CACNA1H: variants seen among roughly 807,000 people sequenced by gnomAD.
CACNA1H encodes voltage-dependent T-type calcium channel subunit alpha-1H.
In CACNA1H, 149 loss-of-function variants were observed where a neutral mutation model predicts 192.5. The observed-to-expected ratio is 0.77, with a 90% CI of 0.68 to 0.89. CACNA1H has a LOEUF of 0.89. Ranked by LOEUF, CACNA1H falls within the 40% of genes least tolerant of loss-of-function variation. The pLI is 0.00. For missense variants in CACNA1H, 4,257 were observed against 3,423.5 expected, an observed-to-expected ratio of 1.24 and a Z score of -6.08; for synonymous variants, 2,202 against 1,475.2, an observed-to-expected ratio of 1.49 and a Z score of -11.29.
Position 1,218,327 on chromosome 16 carries a change from G to A in CACNA1H, c.5563G>A (p.Val1855Met). Residue 1855 changes from valine (V) to methionine (M), a missense_variant, in exon 33 of 35, where the codon GTG becomes ATG. Val to Met is a conservative substitution (Grantham distance 21). Coordinates refer to ENST00000348261, the MANE Select transcript of CACNA1H (RefSeq NM_021098.3). The stretch of plus-strand genomic sequence containing the variant: ...GGCCCAGTTCGTGCTGGTGAACGTG[G>A]TGGTGGCCGTGCTCATGAAGCACCT... ...LVAQFVLVNV[V>M]VAVLMKHLEE... 1 of 1,559,236 alleles carries A rather than the reference G, an allele frequency of 6.4e-7. No individual in the cohort carries two copies. Among genetic ancestry groups the A allele is most frequent in the Non-Finnish European group, 8.7e-7 (1 of 1,152,272 alleles).
intron 2 of CACNA1H, among the ~76,000 whole-genome samples, chr16:1,175,551 C>G (rs1051921631): frequency 6.6e-6 from 1 of 152,342 alleles, no homozygotes; most frequent in Middle Eastern, 3.4e-3. Context: ...AGGTCCCCGT[C>G]TGCTCGCCGT....
At position 1,210,151 on chromosome 16, in the gene CACNA1H, C is replaced by G. The variant is rs781551259; in HGVS notation, c.3845+16C>G. The G allele has an allele frequency of 2.9e-4, 455 of 1,543,262 alleles. No homozygotes were observed. Among genetic ancestry groups the G allele is most frequent in the Non-Finnish European group, 3.6e-4 (414 of 1,140,776 alleles). ...CACAGAACCGGTGAGGCGGCCGGGT[C>G]AGGAGGCTGCATGGCTAGTTCCACC... On this transcript the variant is annotated intron_variant, in intron 18 of 34. Transcript: ENST00000348261.
intron 10 of CACNA1H, 107 bp from the exon 11 acceptor site, chr16:1,205,007 A>C: frequency 2.5e-6 from 1 of 407,368 alleles, no homozygotes. Context: ...GCCCCAGATC[A>C]GTGCCGGGGA....
At chr16:1,158,733 T>C (rs1048284100) in intron 2 of CACNA1H, among the ~76,000 whole-genome samples, 1 of 152,134 alleles carries the variant, frequency 6.6e-6, no homozygotes, top group Non-Finnish European at 1.5e-5. Context: ...GCATGTGACC[T>C]TGGTGCTCTT....
chr16:1,181,237 A>C (rs1442587604), intron 2 of CACNA1H, among the ~76,000 whole-genome samples: 2 of 152,250 alleles, frequency 1.3e-5, no homozygotes, highest in Non-Finnish European at 2.9e-5. Context: ...TATGGGGACC[A>C]AGATGGGCAA....
At chr16:1,217,162 C>T (rs1340953290) in intron 31 of CACNA1H, among the ~76,000 whole-genome samples, 152 bp downstream of exon 31, 1 of 152,220 alleles carries the variant, frequency 6.6e-6, no homozygotes, top group Non-Finnish European at 1.5e-5. Context: ...GGCCCTGCTT[C>T]CGGAGCCTTT....
In CACNA1H at chr16:1,201,669, T is replaced by G. The variant is rs1394787535; in HGVS notation, c.1219T>G (p.Ser407Ala). ...CCGCCCGCCCCCGTCACAGGTGGGCTCCTTCTTCATGATCAACCTGTGCCT... is the reference window on the plus strand; with the variant it reads ...CCGCCCGCCCCCGTCACAGGTGGGCGCCTTCTTCATGATCAACCTGTGCCT... ...IYFILLIIVGSFFMINLCLVV... is the reference protein window; with the variant it reads ...IYFILLIIVGAFFMINLCLVV... Residue 407 changes from serine (S) to alanine (A), a missense_variant, in exon 9 of 35, where the codon TCC (serine) becomes GCC (alanine). Physicochemically the swap from Ser to Ala is moderately conservative, Grantham distance 99 (BLOSUM62 1). Coordinates refer to ENST00000348261, the MANE Select transcript of CACNA1H (RefSeq NM_021098.3). 6.3e-7 allele frequency: 1 copy of G among 1,595,772 alleles called. No homozygotes were observed. Among genetic ancestry groups the G allele is most frequent in the Non-Finnish European group, 8.6e-7 (1 of 1,169,262 alleles).
At chr16:1,206,657 C>G (rs1374931813) in intron 12 of CACNA1H, 2 of 418,698 alleles carry the variant, frequency 4.8e-6, no homozygotes, top group Non-Finnish European at 4.3e-6. Flanking sequence ...CGGCTGGAGG[C>G]TAGGCAGCCA....
At chr16:1,207,697 A>G (rs1968904805) in intron 14 of CACNA1H, 73 bp from the exon 15 acceptor site, 1 of 1,353,500 alleles carries the variant, frequency 7.4e-7, no homozygotes, top group Non-Finnish European at 1.0e-6. Context: ...AGGCCAGCCC[A>G]GACTTCTGTC....
chr16:1,198,946 C>G (rs1386892938), intron 6 of CACNA1H, 172 bp downstream of exon 6: 2 of 624,724 alleles, frequency 3.2e-6, no homozygotes, highest in Non-Finnish European at 5.5e-6. Context: ...CCCGCCCCCA[C>G]CCCCCATCAT....
Position 1,204,381 on chromosome 16 carries a change from A to G in CACNA1H, c.2374A>G (p.Ser792Gly), listed in dbSNP as rs754236675. The G allele has an allele frequency of 5.1e-6, 8 of 1,564,176 alleles. No homozygotes were observed. The highest frequency in any genetic ancestry group is 1.4e-5 in the African/African-American group (1 of 73,868). ...FSGKLRRIVD[S>G]KYFSRGIMMA... is the part of the protein sequence containing the mutation. ...CGGCAAGCTGCGCCGCATCGTGGAC[A>G]GCAAGTACTTCAGCCGTGGCATCAT... The change falls in exon 10 of 35, where the codon AGC becomes GGC. Residue 792 changes from serine (S) to glycine (G), a missense_variant. Transcript: ENST00000348261.
At chr16:1,178,928 A>C (rs1210300743) in intron 2 of CACNA1H, among the ~76,000 whole-genome samples, 1 of 152,100 alleles carries the variant, frequency 6.6e-6, no homozygotes, top group African/African-American at 2.4e-5. Context: ...GGAGGACCAG[A>C]TGGTGGCATC....
At chr16:1,185,275 C>A (rs1357959352) in intron 2 of CACNA1H, among the ~76,000 whole-genome samples, 1 of 152,212 alleles carries the variant, frequency 6.6e-6, no homozygotes, top group African/African-American at 2.4e-5. Flanking sequence ...AGGGCTGTTT[C>A]CATCACAGGC....
chr16:1,221,055 A>T lies in CACNA1H; in HGVS notation c.*61A>T. 7.7e-7 allele frequency: 1 copy of T among 1,300,312 alleles called. No homozygotes were observed. The highest frequency in any genetic ancestry group is 1.0e-6 in the Non-Finnish European group (1 of 957,690). The allele number at this position is 1,300,312 out of a possible 1,614,324, so 80.5% of individuals were successfully genotyped here. A position where few individuals can be genotyped will look rare whatever the true frequency, so the allele number is the denominator to read the frequency against. On this transcript the variant is annotated 3_prime_UTR_variant, in exon 35 of 35. Coordinates refer to ENST00000348261, the MANE Select transcript of CACNA1H (RefSeq NM_021098.3). ...GGGTCTGGGGGCCCCGCTGGGGTGG[A>T]GGCCCAGGCAGAACCCTGCATGGAC...
Position 1,200,424 on chromosome 16 carries a change from G to C in CACNA1H, c.972G>C (p.Gln324His). ...CCCTGGGCTGGGAGGCCTACACGCA[G>C]CCGCAGGCCGAGGGGGTGGGCGCTG... ...PCTLGWEAYT[Q>H]PQAEGVGAAR... Residue 324 changes from glutamine to histidine, a missense_variant, in exon 7 of 35, where the codon CAG becomes CAC. Gln to His is a conservative substitution (Grantham distance 24). Coordinates refer to ENST00000348261, the MANE Select transcript of CACNA1H (RefSeq NM_021098.3). 1.2e-6 allele frequency: 2 copies of C among 1,609,814 alleles called. No individual in the cohort carries two copies. Among genetic ancestry groups the C allele is most frequent in the East Asian group, 2.2e-5 (1 of 44,808 alleles).
chr16:1,176,762 G>C (rs2151735572), intron 2 of CACNA1H, among the ~76,000 whole-genome samples: 1 of 152,306 alleles, frequency 6.6e-6, no homozygotes, highest in Admixed American at 6.5e-5. Flanking sequence ...AGAAAATGAT[G>C]GTGCTGGGAG....
Position 1,209,030 on chromosome 16 carries a change from A to G in CACNA1H, c.3364-2A>G, listed in dbSNP as rs1969103589. The G allele has an allele frequency of 2.0e-6, 3 of 1,502,346 alleles. No homozygotes were observed. 93.1% of individuals were successfully genotyped at this position (1,502,346 alleles called of 1,614,324 possible). ...AGGTCACTGACTCCCGCCACCCCCC[A>G]GGCCAGCCTCCGAAGTTCTCCCTGT... On this transcript the variant is annotated splice_acceptor_variant, in intron 16 of 34. Transcript: ENST00000348261. LOFTEE classifies it high-confidence loss of function.
intron 2 of CACNA1H, among the ~76,000 whole-genome samples, chr16:1,176,364 G>GC (rs749849114): frequency 2.4e-4 from 37 of 152,232 alleles, no homozygotes; most frequent in Non-Finnish European, 4.7e-4. Context: ...TGTGAGGACA[G>GC]CCAGGCATGG....
intron 31 of CACNA1H, 97 bp downstream of exon 31, chr16:1,217,107 C>T (rs1416476904): frequency 1.2e-5 from 13 of 1,094,886 alleles, no homozygotes; most frequent in African/African-American, 1.6e-5. Flanking sequence ...TTGCAAATAG[C>T]GTGGGGCCTG....
Sources: gnomAD v4.1 joint callset for allele counts (sites outside exome capture counted in the v4.1 genomes callset) on GRCh38, gnomAD v4.1.1 for gene constraint, MANE v1.5 for transcripts, NCBI Gene and HGNC (gene_info 2026-07-23, HGNC 2026-07-21) for gene names.